The following RTL1 variants were observed in gnomAD, a reference collection of about 807,000 sequenced individuals.
RTL1 encodes retrotransposon-like protein 1.
For synonymous variants in RTL1, 727 were observed against 748.4 expected, an observed-to-expected ratio of 0.97 and a Z score of 0.47; for missense variants, 1,681 against 1,767.5, an observed-to-expected ratio of 0.95 and a Z score of 0.88.
chr14:100,880,699 CAGGGAG>C lies in RTL1; in HGVS notation c.*7_*12del. 1 of 1,545,378 alleles carries C rather than the reference CAGGGAG, an allele frequency of 6.5e-7. No individual in the cohort carries two copies. Among genetic ancestry groups the C allele is most frequent in the Non-Finnish European group, 8.7e-7 (1 of 1,143,336 alleles). On this transcript the variant is annotated 3_prime_UTR_variant, in exon 4 of 4. Coordinates refer to ENST00000649591, the MANE Select transcript of RTL1 (RefSeq NM_001134888.3). The stretch of plus-strand genomic sequence containing the variant: ...AATAGAGGGGACTCTTTGCTGGAGA[CAGGGAG>C]GCGTCTTCAGTCGAGGTTAGCATCT...
Position 100,884,728 on chromosome 14 carries a change from TTGA to T in RTL1, c.58_60del (p.Ser20del). ...GAGCCCTCGGAGGACTCCATTTGTT[TTGA>T]TGATGGATTCTTATGCTCCATCATC... On this transcript the variant is annotated inframe_deletion, in exon 4 of 4. Coordinates refer to ENST00000649591, the MANE Select transcript of RTL1 (RefSeq NM_001134888.3). The T allele has an allele frequency of 6.2e-7, 1 of 1,608,746 alleles. No homozygotes were observed. The highest frequency in any genetic ancestry group is 8.5e-7 in the Non-Finnish European group (1 of 1,178,320).
chr14:100,897,763 T>TGGGGGGGGGGGGGGGGGGGGGGGGG (rs1566760864), intron 2 of RTL1: 2 of 26,738 alleles, frequency 7.5e-5, no homozygotes, highest in Non-Finnish European at 1.5e-4. Flanking sequence ...GGGGGGGGGG[T>TGGGGGGGGGGGGGGGGGGGGGGGGG]GGGGGGGTGG....
At chr14:100,902,678 C>T (rs746795287) in intron 2 of RTL1, among the ~76,000 whole-genome samples, 3 of 152,232 alleles carry the variant, frequency 2.0e-5, no homozygotes, top group Non-Finnish European at 4.4e-5. Flanking sequence ...CCAGGCAGAC[C>T]GGCTTGACTC....
rs143327634 is a variant in RTL1, at chr14:100,887,120, C to T, written c.-86-2246G>A. 2.0e-3 allele frequency among the ~76,000 whole-genome samples: 301 copies of T among 152,274 alleles called. 3 individuals carry two copies. The highest frequency in any genetic ancestry group is 7.0e-3 in the African/African-American group (290 of 41,558). ...TGCCTGTAAAGTTTCAACCACTTAGCATAAAATGAAAATTTTCACCGTGTA... is the reference window on the plus strand; with the variant it reads ...TGCCTGTAAAGTTTCAACCACTTAGTATAAAATGAAAATTTTCACCGTGTA... On this transcript the variant is annotated intron_variant, in intron 3 of 3. Coordinates refer to ENST00000649591, the MANE Select transcript of RTL1 (RefSeq NM_001134888.3).
intron 3 of RTL1, among the ~76,000 whole-genome samples, chr14:100,886,315 A>C (rs1396421911): frequency 6.6e-6 from 1 of 152,168 alleles, no homozygotes; most frequent in Admixed American, 6.5e-5. Context: ...TGTTTCTCAA[A>C]ATTAAGTACA....
intron 3 of RTL1, among the ~76,000 whole-genome samples, chr14:100,889,479 T>C (rs1317030548): frequency 6.6e-6 from 1 of 152,248 alleles, no homozygotes; most frequent in Admixed American, 6.5e-5. Flanking sequence ...CATTTCCTGT[T>C]CCTCACGCTT....
chr14:100,898,150 G>A (rs2038894470), intron 2 of RTL1: 3 of 216,294 alleles, frequency 1.4e-5, no homozygotes, highest in Non-Finnish European at 3.0e-5. Flanking sequence ...AGTCCTAGCC[G>A]TCAGGGTGGG....
intron 2 of RTL1, among the ~76,000 whole-genome samples, chr14:100,896,185 G>C (rs1243275260): frequency 6.6e-6 from 1 of 152,142 alleles, no homozygotes. Flanking sequence ...GGGGCTTCAC[G>C]TGCAGGAAAG....
Position 100,880,511 on chromosome 14 carries a change from G to T in RTL1, c.*201C>A. 14 of 1,097,442 alleles carry T rather than the reference G, an allele frequency of 1.3e-5. No homozygotes were observed. The highest frequency in any genetic ancestry group is 1.8e-5 in the Non-Finnish European group (14 of 793,684). The allele number at this position is 1,097,442 out of a possible 1,614,324, so 68.0% of individuals were successfully genotyped here. On this transcript the variant is annotated 3_prime_UTR_variant, in exon 4 of 4. Transcript: ENST00000649591. ...CCAGGGCTGGCGCTGGGTCTCTGAG[G>T]ACTGGGTAGTCCGTTAGCACAGGTG...
chr14:100,892,770 G>T (rs955671399), intron 3 of RTL1, among the ~76,000 whole-genome samples: 5 of 152,110 alleles, frequency 3.3e-5, no homozygotes, highest in African/African-American at 1.2e-4. Context: ...ATGTGACCCA[G>T]AAAGGGACGA....
intron 2 of RTL1, chr14:100,897,930 A>G (rs531132149): frequency 1.9e-6 from 1 of 515,908 alleles, no homozygotes; most frequent in African/African-American, 1.9e-5. Flanking sequence ...TGGACCAATG[A>G]TGAGACAGTG....
intron 2 of RTL1, among the ~76,000 whole-genome samples, chr14:100,902,173 T>G (rs1183827567): frequency 6.6e-6 from 1 of 152,180 alleles, no homozygotes. Context: ...GCTGCTTTGC[T>G]GAGCCCTCCC....
chr14:100,890,909 A>G (rs1018812707), intron 3 of RTL1, among the ~76,000 whole-genome samples: 3 of 152,090 alleles, frequency 2.0e-5, no homozygotes, highest in Non-Finnish European at 2.9e-5. Context: ...GTTATTATTT[A>G]TCGATTATTA....
Position 100,884,794 on chromosome 14 carries a change from C to T in RTL1, c.-6G>A, listed in dbSNP as rs1217120811. 6.4e-7 allele frequency: 1 copy of T among 1,552,692 alleles called. No individual in the cohort carries two copies. The highest frequency in any genetic ancestry group is 8.7e-7 in the Non-Finnish European group (1 of 1,149,450). ...TCTTCAGAGGGTTCTATCATTTCGT[C>T]GGATGGAAAGGAGTGTATTCTGAAG... On this transcript the variant is annotated 5_prime_UTR_variant, in exon 4 of 4. Transcript: ENST00000649591.
intron 3 of RTL1, among the ~76,000 whole-genome samples, chr14:100,891,663 C>T (rs1595340929): frequency 6.6e-6 from 1 of 152,188 alleles, no homozygotes; most frequent in Non-Finnish European, 1.5e-5. Context: ...AGGGGCTGTG[C>T]GAGGGGTCAC....
intron 2 of RTL1, among the ~76,000 whole-genome samples, chr14:100,895,811 G>A (rs753769995): frequency 1.1e-4 from 16 of 152,260 alleles, no homozygotes; most frequent in Non-Finnish European, 1.9e-4. Flanking sequence ...GGTGGCTCAC[G>A]CTTATAATCC....
At chr14:100,896,956 C>T (rs1030009752) in intron 2 of RTL1, among the ~76,000 whole-genome samples, 27 of 152,228 alleles carry the variant, frequency 1.8e-4, no homozygotes, top group African/African-American at 5.8e-4. Context: ...CCAAGAACAC[C>T]GGCCAGGGCA....
At chr14:100,900,379 C>T (rs768258517) in intron 2 of RTL1, among the ~76,000 whole-genome samples, 5 of 152,204 alleles carry the variant, frequency 3.3e-5, no homozygotes, top group South Asian at 2.1e-4. Context: ...GGAACCTCCT[C>T]GGCCGCTGTG....
rs143429892 is a variant in RTL1 at position 100,881,449 on chromosome 14, G to A, written c.3340C>T (p.Arg1114Trp). 7.4e-3 allele frequency: 11,491 copies of A among 1,550,622 alleles called. 48 individuals are homozygous for A. The highest frequency in any genetic ancestry group is 8.8e-3 in the Non-Finnish European group (10,073 of 1,146,902). Reference protein sequence around the residue: ...CLSLRPAPAMRVARPQPQRSL... With the variant: ...CLSLRPAPAMWVARPQPQRSL... ...CGCTGGGGCTGGGGCCGAGCCACCC[G>A]CATGGCGGGTGCCGGCCGCAGCGAG... is the stretch of plus-strand genomic sequence containing the variant. Residue 1114 changes from arginine to tryptophan, a missense_variant, in exon 4 of 4, where the codon CGG becomes TGG. By Grantham distance (101) the Arg-to-Trp change is moderately radical. Transcript: ENST00000649591. The surrounding 1 kb of genome is among the most constrained non-coding windows in gnomAD (Gnocchi z 6.6).
Sources: allele counts gnomAD v4.1 joint callset (sites outside exome capture counted in the v4.1 genomes callset), GRCh38; gene constraint gnomAD v4.1.1; non-coding constraint Gnocchi (gnomAD v3.1); transcripts MANE v1.5; gene names NCBI Gene and HGNC (gene_info 2026-07-23, HGNC 2026-07-21).